The following XKR9 variants were observed in gnomAD, a reference collection of about 807,000 sequenced individuals.
XKR9 encodes the protein XK related 9.
XKR9 carries 32 observed loss-of-function variants against 32.0 expected under a neutral mutation model. The ratio of observed to expected loss-of-function variants is 1.00; its 90% confidence interval spans 0.76 to 1.34. XKR9 has a LOEUF of 1.34. Ranked by LOEUF, XKR9 falls within the 40% of genes most tolerant of loss-of-function variation. The pLI, the probability that XKR9 is intolerant of heterozygous loss-of-function variation, is 0.00. For synonymous variants in XKR9, 168 were observed against 143.4 expected (o/e 1.17, Z -1.22); for missense variants, 546 against 429.7 (o/e 1.27, Z -2.39).
intron 2 of XKR9, among the ~76,000 whole-genome samples, chr8:70,757,400 T>G (rs1170121604): frequency 1.3e-5 from 2 of 152,212 alleles, no homozygotes; most frequent in Non-Finnish European, 2.9e-5. Context: ...AAACATCCTG[T>G]TGAGACCTTC....
rs912777358 is a variant in XKR9 at position 70,754,250 on chromosome 8, C to G, written n.353-35089C>G. Among the ~76,000 whole-genome samples the G allele has an allele frequency of 3.4e-5, 5 of 147,648 alleles. 1 individual carries two copies. The highest frequency in any genetic ancestry group is 3.0e-4 in the Admixed American group (4 of 13,158). On this transcript the variant is annotated intron_variant and non_coding_transcript_variant, in intron 2 of 3. Transcript: ENST00000520273. ...TCAAGGAGAGCTACAGACCACTGCTCAATGAAATAAAAGAGGATACAAACA... is the reference window on the plus strand; with the variant it reads ...TCAAGGAGAGCTACAGACCACTGCTGAATGAAATAAAAGAGGATACAAACA...
intron 2 of XKR9, among the ~76,000 whole-genome samples, chr8:70,785,040 T>C (rs1409967925): frequency 1.3e-5 from 2 of 152,066 alleles, no homozygotes; most frequent in Non-Finnish European, 2.9e-5. Flanking sequence ...AGTTTGGAAG[T>C]GTTACTTCTT....
the XKR9 span, among the ~76,000 whole-genome samples, chr8:70,975,613 G>A: frequency 6.6e-6 from 1 of 152,114 alleles, no homozygotes; most frequent in South Asian, 2.1e-4. Context: ...CTCTGATTTG[G>A]TACCAGTACC....
the XKR9 span, among the ~76,000 whole-genome samples, chr8:71,040,212 T>A: frequency 6.6e-6 from 1 of 152,274 alleles, no homozygotes; most frequent in South Asian, 2.1e-4. Context: ...AGCTAGATTT[T>A]CTTCAGGCTG....
At chr8:70,793,979 C>T (rs1179493076), downstream of XKR9, among the ~76,000 whole-genome samples, 2 of 152,158 alleles carry the variant, frequency 1.3e-5, no homozygotes, top group South Asian at 2.1e-4. Context: ...TCCATGAACA[C>T]AGGATATCTA....
At chr8:70,859,395 C>G in the XKR9 span, among the ~76,000 whole-genome samples, 1 of 152,010 alleles carries the variant, frequency 6.6e-6, no homozygotes, top group African/African-American at 2.4e-5. Flanking sequence ...GAGGGGAACC[C>G]TTATACACTA....
At chr8:70,703,478 G>T (rs945293211) in intron 3 of XKR9, among the ~76,000 whole-genome samples, 3 of 152,100 alleles carry the variant, frequency 2.0e-5, no homozygotes, top group Non-Finnish European at 2.9e-5. Flanking sequence ...GTTCTTACAT[G>T]GTGGATGGGC....
At chr8:70,847,492 T>C in the XKR9 span, among the ~76,000 whole-genome samples, 2 of 151,520 alleles carry the variant, frequency 1.3e-5, no homozygotes, top group Non-Finnish European at 3.0e-5. Flanking sequence ...CAGAGTATAA[T>C]TAAACAAAAC....
At chr8:70,931,286 A>T in the XKR9 span, among the ~76,000 whole-genome samples, 10 of 152,304 alleles carry the variant, frequency 6.6e-5, no homozygotes, top group African/African-American at 2.4e-4. Context: ...TCATAATCAG[A>T]AGGTTACCCT....
the XKR9 span, among the ~76,000 whole-genome samples, chr8:70,871,402 C>A: frequency 6.6e-6 from 1 of 152,258 alleles, no homozygotes; most frequent in East Asian, 1.9e-4. Context: ...AAGCATCTAT[C>A]AGTGCCATTT....
At chr8:70,939,237 AAAGAAAAC>A in the XKR9 span, among the ~76,000 whole-genome samples, 5 of 152,230 alleles carry the variant, frequency 3.3e-5, no homozygotes, top group Admixed American at 6.5e-5. Context: ...AATATGTCCG[AAAGAAAAC>A]AAGAACGTTA....
At chr8:70,991,305 C>T in the XKR9 span, among the ~76,000 whole-genome samples, 1 of 152,046 alleles carries the variant, frequency 6.6e-6, no homozygotes, top group African/African-American at 2.4e-5. Flanking sequence ...CAGAATCTTG[C>T]CTGAAAGTAT....
At chr8:70,909,695 G>A in the XKR9 span, among the ~76,000 whole-genome samples, 3 of 132,418 alleles carry the variant, frequency 2.3e-5, no homozygotes, top group Non-Finnish European at 3.2e-5. Context: ...AACCCAGTTC[G>A]ATTTATCCTT....
the XKR9 span, among the ~76,000 whole-genome samples, chr8:71,051,055 A>G: frequency 6.6e-6 from 1 of 152,180 alleles, no homozygotes; most frequent in Non-Finnish European, 1.5e-5. Flanking sequence ...GAATAAAAAA[A>G]AAAACTAATG....
At chr8:70,972,727 A>G in the XKR9 span, among the ~76,000 whole-genome samples, 5 of 151,868 alleles carry the variant, frequency 3.3e-5, no homozygotes. Flanking sequence ...TGATCATGTG[A>G]TTTTTGTTTT....
the XKR9 span, among the ~76,000 whole-genome samples, chr8:70,814,089 T>C: frequency 4.6e-5 from 7 of 152,146 alleles, no homozygotes; most frequent in Non-Finnish European, 8.8e-5. Flanking sequence ...GTGGCACATA[T>C]ACACCATGGA....
At chr8:70,866,396 A>G in the XKR9 span, among the ~76,000 whole-genome samples, 2 of 152,326 alleles carry the variant, frequency 1.3e-5, no homozygotes, top group African/African-American at 4.8e-5. Flanking sequence ...GGGGATAGGG[A>G]AAGGAAGTGA....
chr8:71,011,511 C>T, the XKR9 span, among the ~76,000 whole-genome samples: 3 of 152,258 alleles, frequency 2.0e-5, no homozygotes, highest in South Asian at 2.1e-4. Context: ...TGAAACTAAA[C>T]GTAAACTTCT....
the XKR9 span, among the ~76,000 whole-genome samples, chr8:70,902,756 C>T: frequency 6.6e-6 from 1 of 152,172 alleles, no homozygotes. Flanking sequence ...ATGATATTGG[C>T]TGTGGGTTTG....
Sources: gnomAD v4.1 joint callset for allele counts (sites outside exome capture counted in the v4.1 genomes callset) on GRCh38, gnomAD v4.1.1 for gene constraint, MANE v1.5 for transcripts, NCBI Gene and HGNC (gene_info 2026-07-23, HGNC 2026-07-21) for gene names.